Variants in ANK1 observed in about 807,000 individuals in gnomAD.
The protein encoded by ANK1 is ankyrin-1.
Under a neutral mutation model 210.4 loss-of-function variants are expected in ANK1, and 51 were observed. The ratio of observed to expected loss-of-function variants is 0.24; its 90% confidence interval spans 0.19 to 0.31. ANK1 has a LOEUF of 0.31. Among genes scored for constraint, ANK1 ranks in the 10% least tolerant of loss-of-function variants. ANK1 has a pLI of 1.00. For synonymous variants in ANK1, 967 were observed against 1,025.9 expected (o/e 0.94, Z 1.10); for missense variants, 2,051 against 2,504.4 (o/e 0.82, Z 3.86).
intron 37 of ANK1, among the ~76,000 whole-genome samples, chr8:41,679,494 G>A (rs1279806996): frequency 6.6e-6 from 1 of 151,286 alleles, no homozygotes; most frequent in Non-Finnish European, 1.5e-5. Context: ...TTCTATCTGT[G>A]CAACTGTCTC....
chr8:41,848,147 T>C (rs1013825378), intron 1 of ANK1, among the ~76,000 whole-genome samples: 4 of 151,478 alleles, frequency 2.6e-5, no homozygotes, highest in African/African-American at 9.7e-5. Context: ...ATCATGCCAC[T>C]GCACTCCAGC....
Position 41,790,144 on chromosome 8 carries a change from C to CTTT in ANK1, c.27+7365_27+7367dup, listed in dbSNP as rs112954712. On this transcript the variant is annotated intron_variant, in intron 1 of 42. Transcript: ENST00000289734. ...GGTATCTGACCACTTGGAAAGGAAT[C>CTTT]TTTTTTTTTTTTTTTTTCAGAGACA... Among the ~76,000 whole-genome samples the CTTT allele has an allele frequency of 2.9e-5, 4 of 136,970 alleles. 1 individual carries two copies. Among genetic ancestry groups the CTTT allele is most frequent in the East Asian group, 2.1e-4 (1 of 4,724 alleles). The allele number at this position is 136,970 out of a possible 152,430, so 89.9% of individuals were successfully genotyped here.
Position 41,725,943 on chromosome 8 carries a change from C to G in ANK1, c.430G>C (p.Gly144Arg). ...GANQNVATED[G>R]FTPLAVALQQ... ...AGGGCTACCGCCAGAGGCGTGAAGC[C>G]GTCCTGGCCAGAGGAGGAAAATGCT... is the stretch of plus-strand genomic sequence containing the variant. The change falls in exon 6 of 43, where the codon GGC becomes CGC. Residue 144 changes from glycine to arginine, a missense_variant. This residue lies in a region of ANK1 where 10 missense variants were observed against 36.2 expected (regional missense o/e 0.28). Coordinates refer to ENST00000289734, the MANE Select transcript of ANK1 (RefSeq NM_000037.4). 6.2e-7 allele frequency: 1 copy of G among 1,613,352 alleles called. No individual in the cohort carries two copies. The highest frequency in any genetic ancestry group is 8.5e-7 in the Non-Finnish European group (1 of 1,179,914).
intron 1 of ANK1, among the ~76,000 whole-genome samples, chr8:41,783,481 T>C (rs553673551): frequency 9.2e-5 from 14 of 152,322 alleles, no homozygotes; most frequent in Admixed American, 8.5e-4. Flanking sequence ...CTTTTCAGTA[T>C]TCTCTTTTCC....
chr8:41,896,383 C>T, exon 1 of ANK1: 1 of 1,601,840 alleles, frequency 6.2e-7, no homozygotes, highest in East Asian at 2.3e-5. Flanking sequence ...GGAGCGGTTT[C>T]TCCGCTTCCT....
intron 20 of ANK1, among the ~76,000 whole-genome samples, chr8:41,703,043 C>G (rs994853439): frequency 6.6e-6 from 1 of 151,844 alleles, no homozygotes; most frequent in South Asian, 2.1e-4. Context: ...GTTGGCCAGG[C>G]TGGTCTCGAA....
chr8:41,693,167 T>A lies in ANK1; in HGVS notation c.3567A>T (p.Thr1189=). Residue 1189 remains threonine, a synonymous_variant, in exon 30 of 43, where the codon ACA becomes ACT. Transcript: ENST00000289734. The part of the protein sequence containing the change: ...GTDQAQWEDI[T]GTTKLVYANE... Reference sequence around the variant, plus strand: ...TGGCATATACAAGTTTGGTGGTTCCTGTTATGTCTTCCCACTGGGCTTGGT... The same window carrying A: ...TGGCATATACAAGTTTGGTGGTTCCAGTTATGTCTTCCCACTGGGCTTGGT... The A allele has an allele frequency of 1.2e-6, 2 of 1,613,598 alleles. No individual in the cohort carries two copies. Among genetic ancestry groups the A allele is most frequent in the South Asian group, 2.2e-5 (2 of 91,076 alleles).
intron 1 of ANK1, among the ~76,000 whole-genome samples, chr8:41,825,406 G>A (rs1418377298): frequency 6.6e-6 from 1 of 152,186 alleles, no homozygotes; most frequent in East Asian, 1.9e-4. Flanking sequence ...AACTGGCCTT[G>A]GGGTCACACT....
intron 1 of ANK1, among the ~76,000 whole-genome samples, chr8:41,863,662 C>T (rs1484080491): frequency 2.0e-5 from 3 of 152,216 alleles, no homozygotes; most frequent in Non-Finnish European, 4.4e-5. Flanking sequence ...GTGGATAAAC[C>T]TTCTGCACAT....
intron 38 of ANK1, among the ~76,000 whole-genome samples, chr8:41,669,409 G>T (rs1348828851): frequency 6.6e-6 from 1 of 152,064 alleles, no homozygotes; most frequent in Non-Finnish European, 1.5e-5. Context: ...CGATCCTCCT[G>T]CCTCAGCCAC....
At chr8:41,688,997 T>A (rs1244628765) in intron 33 of ANK1, among the ~76,000 whole-genome samples, 2 of 152,228 alleles carry the variant, frequency 1.3e-5, no homozygotes, top group Non-Finnish European at 2.9e-5. Flanking sequence ...AAAATGATTG[T>A]TTTTCTTTTT....
chr8:41,722,844 G>A (rs959430492), intron 9 of ANK1, among the ~76,000 whole-genome samples: 4 of 152,130 alleles, frequency 2.6e-5, no homozygotes, highest in African/African-American at 4.8e-5. Context: ...TTTCTGCTAC[G>A]TTGGCAGTGT....
chr8:41,789,334 C>T (rs1398209187), intron 1 of ANK1: 1 of 152,232 alleles, frequency 6.6e-6, no homozygotes, highest in Non-Finnish European at 1.5e-5. Context: ...ACCGACTTTT[C>T]CCAAAAGGCT....
At chr8:41,735,171 C>T (rs1833119948) in intron 2 of ANK1, among the ~76,000 whole-genome samples, 2 of 152,190 alleles carry the variant, frequency 1.3e-5, no homozygotes, top group Admixed American at 1.3e-4. Context: ...ATGCTTCCTG[C>T]TCTTCTGATC....
chr8:41,749,477 A>C (rs985611057), intron 2 of ANK1, among the ~76,000 whole-genome samples: 18 of 151,892 alleles, frequency 1.2e-4, no homozygotes, highest in African/African-American at 3.9e-4. Context: ...TTTTATTTTT[A>C]GTAGAGATGG....
At chr8:41,806,403 G>T (rs1404920745) in intron 1 of ANK1, among the ~76,000 whole-genome samples, 1 of 152,086 alleles carries the variant, frequency 6.6e-6, no homozygotes, top group Non-Finnish European at 1.5e-5. Flanking sequence ...AGGGAAAAAA[G>T]GAGGAAAAAG....
chr8:41,656,761 C>T (rs945700523), intron 42 of ANK1, among the ~76,000 whole-genome samples: 4 of 152,174 alleles, frequency 2.6e-5, no homozygotes, highest in South Asian at 2.1e-4. Flanking sequence ...GTTTTGGGTC[C>T]TCCAGGTGAA....
chr8:41,751,824 T>C (rs755922791), intron 2 of ANK1, among the ~76,000 whole-genome samples: 1 of 152,136 alleles, frequency 6.6e-6, no homozygotes, highest in Non-Finnish European at 1.5e-5. Flanking sequence ...TCCATCAGCA[T>C]AAGCATCTCT....
At chr8:41,896,683 C>T (rs1820578730) in exon 1 of ANK1, 3 of 543,638 alleles carry the variant, frequency 5.5e-6, no homozygotes, top group Non-Finnish European at 7.7e-6. Flanking sequence ...CTGCCCGCGG[C>T]CCGGGATGGC....
Sources: gnomAD v4.1 joint callset for allele counts (sites outside exome capture counted in the v4.1 genomes callset) on GRCh38, gnomAD v4.1.1 for gene constraint, gnomAD v4.1.1 regional missense constraint, MANE v1.5 for transcripts, NCBI Gene and HGNC (gene_info 2026-07-23, HGNC 2026-07-21) for gene names.